Variants in MCPH1 observed in about 807,000 individuals in gnomAD.
The protein encoded by MCPH1 is microcephalin 1.
MCPH1 carries 104 observed loss-of-function variants against 84.5 expected under a neutral mutation model. That is an observed-to-expected ratio of 1.23 (90% CI 1.05 to 1.45). The LOEUF (loss-of-function observed/expected upper bound fraction) is 1.45. Among genes scored for constraint, MCPH1 ranks in the 40% most tolerant of loss-of-function variants. MCPH1 has a pLI of 0.00. For missense variants in MCPH1, 1,498 were observed against 1,005.7 expected, an observed-to-expected ratio of 1.49 and a Z score of -6.62; for synonymous variants, 514 against 366.8, an observed-to-expected ratio of 1.40 and a Z score of -4.58.
At chr8:6,435,638 G>GC (rs1802530963) in intron 4 of MCPH1, among the ~76,000 whole-genome samples, 1 of 152,094 alleles carries the variant, frequency 6.6e-6, no homozygotes, top group Non-Finnish European at 1.5e-5. Flanking sequence ...GTTCACCTGG[G>GC]CATGCTCAAG....
chr8:6,494,894 T>G (rs1474212681), intron 11 of MCPH1, among the ~76,000 whole-genome samples: 1 of 152,222 alleles, frequency 6.6e-6, no homozygotes, highest in Non-Finnish European at 1.5e-5. Context: ...AATTGTATAT[T>G]ATGCCAATTT....
chr8:6,530,334 CCT>C (rs1397926166), intron 12 of MCPH1, among the ~76,000 whole-genome samples: 3 of 151,826 alleles, frequency 2.0e-5, no homozygotes, highest in Non-Finnish European at 2.9e-5. Context: ...GTGGTGAAAC[CCT>C]GTCTCTACTA....
intron 12 of MCPH1, among the ~76,000 whole-genome samples, chr8:6,545,857 T>G (rs1822489970): frequency 6.6e-6 from 1 of 152,240 alleles, no homozygotes; most frequent in African/African-American, 2.4e-5. Flanking sequence ...ATCGATTGAA[T>G]TTAGTTCTGC....
intron 12 of MCPH1, chr8:6,563,353 G>A (rs1010372049): frequency 1.9e-5 from 3 of 156,022 alleles, no homozygotes; most frequent in East Asian, 1.9e-4. Flanking sequence ...CTTCCTGTAG[G>A]GGGTCACTAG....
rs73514798 is a variant in MCPH1 at position 6,414,562 on chromosome 8, G to A, written c.115-203G>A. Among the ~76,000 whole-genome samples the A allele has an allele frequency of 1.3e-3, 199 of 152,290 alleles. 1 individual carries two copies. The highest frequency in any genetic ancestry group is 4.6e-3 in the African/African-American group (190 of 41,554). ...TCAGTAACACTTCAGAGGGTTTTTAGAGGGAGTAGATGTGAACTTGTGTGT... is the reference window on the plus strand; with the variant it reads ...TCAGTAACACTTCAGAGGGTTTTTAAAGGGAGTAGATGTGAACTTGTGTGT... On this transcript the variant is annotated intron_variant, in intron 2 of 13. Transcript: ENST00000344683.
chr8:6,454,764 T>G (rs1805498274), intron 8 of MCPH1, among the ~76,000 whole-genome samples: 1 of 152,196 alleles, frequency 6.6e-6, no homozygotes, highest in African/African-American at 2.4e-5. Flanking sequence ...AAAAGTTAGA[T>G]TAATTATTGC....
chr8:6,415,812 A>G (rs1263790464), intron 3 of MCPH1, among the ~76,000 whole-genome samples: 2 of 152,162 alleles, frequency 1.3e-5, no homozygotes, highest in Non-Finnish European at 2.9e-5. Flanking sequence ...GCATTTCTAT[A>G]TGAATTTTAT....
In MCPH1 at chr8:6,621,585, C is replaced by T. The variant is rs372319072; in HGVS notation, c.2346C>T (p.Cys782=). ...AGCTCTGTGAACTAGTCCACCTGTG[C>T]GGAGGCCGGGTCAGCCAAGTCCCCC... ...VAKLCELVHL[C]GGRVSQVPRQ... Residue 782 remains cysteine (C), a synonymous_variant, in exon 13 of 14, where the codon TGC becomes TGT. Coordinates refer to ENST00000344683, the MANE Select transcript of MCPH1 (RefSeq NM_024596.5). The T allele has an allele frequency of 2.8e-5, 46 of 1,614,096 alleles. No individual in the cohort carries two copies. The highest frequency in any genetic ancestry group is 3.5e-5 in the Non-Finnish European group (41 of 1,180,048).
rs886500985 is a variant in MCPH1, at chr8:6,550,993, C to T, written c.2214+51064C>T. Among the ~76,000 whole-genome samples, 45 of 152,314 alleles carry T rather than the reference C, an allele frequency of 3.0e-4. 1 individual carries two copies. Among genetic ancestry groups the T allele is most frequent in the African/African-American group, 1.1e-3 (44 of 41,562 alleles). ...GTCCTAATAAACAGTGTCCTTTCTA[C>T]AAGAACCCTGTAGACTTTTGAAACC... is the stretch of plus-strand genomic sequence containing the variant. On this transcript the variant is annotated intron_variant, in intron 12 of 13. Coordinates refer to ENST00000344683, the MANE Select transcript of MCPH1 (RefSeq NM_024596.5).
At chr8:6,561,817 C>T (rs570462730) in intron 12 of MCPH1, among the ~76,000 whole-genome samples, 11 of 151,870 alleles carry the variant, frequency 7.2e-5, no homozygotes, top group African/African-American at 2.4e-4. Context: ...ACAGAGCTTT[C>T]AATATCCTAT....
chr8:6,589,578 G>A (rs1828277124), intron 12 of MCPH1, among the ~76,000 whole-genome samples: 2 of 152,210 alleles, frequency 1.3e-5, no homozygotes, highest in Admixed American at 1.3e-4. Flanking sequence ...GGGAAGGGAA[G>A]GGTGCTAAGC....
intron 13 of MCPH1, among the ~76,000 whole-genome samples, chr8:6,623,686 TCCAAAAAAAAAAAA>T (rs1831727284): frequency 2.4e-5 from 1 of 42,484 alleles, no homozygotes; most frequent in Non-Finnish European, 3.9e-5. Flanking sequence ...GAAACCAACT[TCCAAAAAAAAAAAA>T]AAAAAAAAAA....
At chr8:6,429,324 C>A (rs1337255065) in intron 3 of MCPH1, among the ~76,000 whole-genome samples, 1 of 152,146 alleles carries the variant, frequency 6.6e-6, no homozygotes, top group Non-Finnish European at 1.5e-5. Context: ...CACAGGGTGG[C>A]AGTGAGTGGG....
At chr8:6,634,406 C>T (rs1797389172) in intron 13 of MCPH1, among the ~76,000 whole-genome samples, 1 of 152,162 alleles carries the variant, frequency 6.6e-6, no homozygotes, top group African/African-American at 2.4e-5. Flanking sequence ...GAGACATGAC[C>T]ATTTGGGTGC....
intron 12 of MCPH1, among the ~76,000 whole-genome samples, chr8:6,505,311 C>CTGTTTT (rs1563305980): frequency 5.1e-4 from 20 of 39,262 alleles, no homozygotes; most frequent in South Asian, 8.5e-4. Flanking sequence ...ATGTATATAA[C>CTGTTTT]ATATATATGT....
chr8:6,530,962 A>G (rs1472572645), intron 12 of MCPH1, among the ~76,000 whole-genome samples: 1 of 152,040 alleles, frequency 6.6e-6, no homozygotes, highest in Non-Finnish European at 1.5e-5. Flanking sequence ...GCATTTAGGA[A>G]TAATATGGAG....
chr8:6,505,238 GAA>G (rs1813103126), intron 12 of MCPH1, among the ~76,000 whole-genome samples: 3 of 5,004 alleles, frequency 6.0e-4, no homozygotes, highest in African/African-American at 1.0e-3. Flanking sequence ...TGTATATATA[GAA>G]TATATATTCT....
chr8:6,437,141 A>C (rs1802772196), intron 5 of MCPH1, among the ~76,000 whole-genome samples: 1 of 152,034 alleles, frequency 6.6e-6, no homozygotes, highest in African/African-American at 2.4e-5. Flanking sequence ...TAATTCCTCT[A>C]GTTTTTGTTT....
intron 13 of MCPH1, among the ~76,000 whole-genome samples, chr8:6,637,415 T>TA (rs1319041624): frequency 1.3e-5 from 2 of 152,042 alleles, no homozygotes; most frequent in African/African-American, 4.8e-5. Flanking sequence ...CCAGGAATGG[T>TA]AAGGGCTGAG....
Sources: allele counts gnomAD v4.1 joint callset (sites outside exome capture counted in the v4.1 genomes callset), GRCh38; gene constraint gnomAD v4.1.1; transcripts MANE v1.5; gene names NCBI Gene and HGNC (gene_info 2026-07-23, HGNC 2026-07-21).